Variants in DGKI observed in about 807,000 individuals in gnomAD.
DGKI encodes diacylglycerol kinase iota.
Under a neutral mutation model 147.5 loss-of-function variants are expected in DGKI, and 55 were observed. The observed-to-expected ratio is 0.37, with a 90% confidence interval of 0.30 to 0.47. DGKI has a LOEUF of 0.47. DGKI is among the 20% of genes least tolerant of loss of function. DGKI has a pLI of 1.00. For synonymous variants in DGKI, 469 were observed against 477.1 expected, an observed-to-expected ratio of 0.98 and a Z score of 0.22; for missense variants, 1,007 against 1,323.8, an observed-to-expected ratio of 0.76 and a Z score of 3.71.
At chr7:137,573,967 C>T (rs3800605) in intron 17 of DGKI, among the ~76,000 whole-genome samples, 8,815 of 152,312 alleles carry the variant, frequency 0.058, 624 homozygotes, top group African/African-American at 0.17. Flanking sequence ...GGCGTAAAGC[C>T]TGCTCTCGTA....
chr7:137,598,723 G>A (rs1458310393), intron 11 of DGKI, among the ~76,000 whole-genome samples: 1 of 152,034 alleles, frequency 6.6e-6, no homozygotes, highest in Non-Finnish European at 1.5e-5. Flanking sequence ...GTCCTACCAT[G>A]TTCTTTACGG....
chr7:137,416,160 C>T (rs1336281168), intron 28 of DGKI, among the ~76,000 whole-genome samples: 8 of 152,012 alleles, frequency 5.3e-5, no homozygotes, highest in African/African-American at 1.9e-4. Context: ...TAACTGAAAG[C>T]ATTTATGTAA....
intron 1 of DGKI, among the ~76,000 whole-genome samples, chr7:137,783,521 A>G (rs1299835322): frequency 1.3e-5 from 2 of 152,266 alleles, no homozygotes; most frequent in Non-Finnish European, 2.9e-5. Flanking sequence ...TTCCTGAAGA[A>G]GAAGAGAAAT....
intron 2 of DGKI, among the ~76,000 whole-genome samples, chr7:137,680,691 A>C (rs1823204334): frequency 6.6e-6 from 1 of 152,020 alleles, no homozygotes; most frequent in Admixed American, 6.6e-5. Flanking sequence ...GAGGCAAGAG[A>C]ATTGCTTGAA....
At position 137,691,798 on chromosome 7, in the gene DGKI, G is replaced by GTTTTTTTTTTTTTTTTTTTTTTT. The variant is rs796902464; in HGVS notation, c.402-1819_402-1797dup. 1.5e-4 allele frequency among the ~76,000 whole-genome samples: 14 copies of GTTTTTTTTTTTTTTTTTTTTTTT among 95,818 alleles called. 1 individual carries two copies. Among genetic ancestry groups the GTTTTTTTTTTTTTTTTTTTTTTT allele is most frequent in the Non-Finnish European group, 2.4e-4 (12 of 50,132 alleles). The allele number at this position is 95,818 out of a possible 152,430, so 62.9% of individuals were successfully genotyped here. ...GCTCAGCAAGTGTCTAGACCTTTGGGTTTTTTTTTTTTTTTTTTTTTTTAA... is the reference window on the plus strand; with the variant it reads ...GCTCAGCAAGTGTCTAGACCTTTGGGTTTTTTTTTTTTTTTTTTTTTTTTTTTTTTTTTTTTTTTTTTTTTTAA... On this transcript the variant is annotated intron_variant, in intron 1 of 32. Transcript: ENST00000614521.
chr7:137,699,117 C>G (rs1324831056), intron 1 of DGKI, among the ~76,000 whole-genome samples: 1 of 152,172 alleles, frequency 6.6e-6, no homozygotes, highest in Non-Finnish European at 1.5e-5. Flanking sequence ...GGGTCTACTT[C>G]CTGGTCATAG....
At chr7:137,711,778 A>G (rs1794223464) in intron 1 of DGKI, among the ~76,000 whole-genome samples, 1 of 137,114 alleles carries the variant, frequency 7.3e-6, no homozygotes, top group South Asian at 2.3e-4. Flanking sequence ...ACTGCAACCT[A>G]CGCCTCCTGG....
intron 1 of DGKI, among the ~76,000 whole-genome samples, chr7:137,712,804 A>G: frequency 6.6e-6 from 1 of 152,238 alleles, no homozygotes; most frequent in Non-Finnish European, 1.5e-5. Context: ...TAGCTGTATG[A>G]TAGACAATTG....
intron 12 of DGKI, among the ~76,000 whole-genome samples, chr7:137,588,670 G>T (rs1010190277): frequency 6.6e-5 from 10 of 151,934 alleles, no homozygotes; most frequent in African/African-American, 2.4e-4. Flanking sequence ...TAGAGACGGG[G>T]TTTCACCGTG....
intron 21 of DGKI, among the ~76,000 whole-genome samples, chr7:137,506,969 T>G (rs1816390002): frequency 6.6e-6 from 1 of 152,206 alleles, no homozygotes; most frequent in African/African-American, 2.4e-5. Context: ...GGAACTACAA[T>G]TCTTACTTGA....
chr7:137,651,080 G>A (rs190169759), intron 5 of DGKI, among the ~76,000 whole-genome samples: 16 of 152,316 alleles, frequency 1.1e-4, no homozygotes, highest in African/African-American at 3.6e-4. Flanking sequence ...CCACTGGAGA[G>A]TTTTAAGCCA....
intron 1 of DGKI, among the ~76,000 whole-genome samples, chr7:137,801,652 A>G (rs1245138368): frequency 6.6e-6 from 1 of 152,226 alleles, no homozygotes; most frequent in African/African-American, 2.4e-5. Context: ...GATGGAGATC[A>G]GTCTCTTTTA....
At chr7:137,609,145 C>CCA (rs201545616) in intron 9 of DGKI, 81 bp from the exon 10 acceptor site, 1 of 1,031,478 alleles carries the variant, frequency 9.7e-7, no homozygotes, top group Admixed American at 1.9e-5. Flanking sequence ...TGGAAAACCA[C>CCA]CCAATAATAC....
intron 1 of DGKI, among the ~76,000 whole-genome samples, chr7:137,837,475 G>A (rs1450347503): frequency 1.3e-5 from 2 of 152,196 alleles, no homozygotes; most frequent in African/African-American, 4.8e-5. Context: ...AAGCAGGGTA[G>A]GCTGGTGTTT....
chr7:137,494,913 G>T (rs1381603404), intron 21 of DGKI, among the ~76,000 whole-genome samples: 1 of 152,092 alleles, frequency 6.6e-6, no homozygotes, highest in East Asian at 1.9e-4. Flanking sequence ...ATGGTATGCT[G>T]TCTTCAAGAG....
At chr7:137,643,441 G>T (rs777439444) in intron 6 of DGKI, among the ~76,000 whole-genome samples, 19 of 152,094 alleles carry the variant, frequency 1.2e-4, no homozygotes, top group Non-Finnish European at 1.8e-4. Flanking sequence ...TCCTGTCCAG[G>T]GTGGAAGCTG....
At chr7:137,834,523 T>C (rs980301239) in intron 1 of DGKI, among the ~76,000 whole-genome samples, 21 of 152,182 alleles carry the variant, frequency 1.4e-4, no homozygotes, top group African/African-American at 5.1e-4. Flanking sequence ...CTGGAAGAGG[T>C]ATTTTGCCTT....
At chr7:137,456,953 A>T (rs192880961) in intron 27 of DGKI, among the ~76,000 whole-genome samples, 3 of 152,334 alleles carry the variant, frequency 2.0e-5, no homozygotes, top group East Asian at 3.9e-4. Context: ...AATTCTAAAA[A>T]TAACAAAGGC....
At chr7:137,687,863 T>C (rs1823473582) in intron 2 of DGKI, among the ~76,000 whole-genome samples, 1 of 152,114 alleles carries the variant, frequency 6.6e-6, no homozygotes, top group South Asian at 2.1e-4. Context: ...ACCTCCAAGA[T>C]GGGGTACCTA....
Sources: allele counts gnomAD v4.1 joint callset (sites outside exome capture counted in the v4.1 genomes callset), GRCh38; gene constraint gnomAD v4.1.1; transcripts MANE v1.5; gene names NCBI Gene and HGNC (gene_info 2026-07-23, HGNC 2026-07-21).